The following CDKL3 variants were observed in gnomAD, a reference collection of about 807,000 sequenced individuals.
CDKL3 encodes cyclin dependent kinase like 3, also known as cyclin-dependent kinase-like 3.
Under a neutral mutation model 69.3 loss-of-function variants are expected in CDKL3, and 65 were observed. The ratio of observed to expected loss-of-function variants is 0.94; its 90% CI spans 0.77 to 1.15. CDKL3 has a LOEUF of 1.15. CDKL3 is among the 50% of genes most tolerant of loss of function. CDKL3 has a pLI of 0.00. For missense variants in CDKL3, 652 were observed against 689.2 expected (o/e 0.95, Z 0.61); for synonymous variants, 202 against 221.6 (o/e 0.91, Z 0.79).
Position 134,308,471 on chromosome 5 carries a change from A to G in CDKL3, c.1036-5T>C. The G allele has an allele frequency of 6.3e-7, 1 of 1,589,206 alleles. No individual in the cohort carries two copies. The highest frequency in any genetic ancestry group is 8.5e-7 in the Non-Finnish European group (1 of 1,170,258). On this transcript the variant is annotated splice_region_variant and splice_polypyrimidine_tract_variant and intron_variant, in intron 8 of 12. Transcript: ENST00000265334. ...CTTTTTCTCTTTTTCTATTTCCTGG[A>G]ATAGATACATCCAAAATCTGAGTCA...
chr5:134,323,270 C>A (rs1773268323), intron 4 of CDKL3, among the ~76,000 whole-genome samples: 1 of 152,102 alleles, frequency 6.6e-6, no homozygotes, highest in Admixed American at 6.6e-5. Flanking sequence ...TTAGTCATTT[C>A]ACAACGTATA....
intron 7 of CDKL3, among the ~76,000 whole-genome samples, chr5:134,310,924 C>T (rs1255813226): frequency 6.6e-6 from 1 of 152,198 alleles, no homozygotes; most frequent in Non-Finnish European, 1.5e-5. Flanking sequence ...CTGGACTCTT[C>T]CATATCTGAC....
At chr5:134,337,962 C>T (rs1034165386) in intron 4 of CDKL3, among the ~76,000 whole-genome samples, 3 of 151,976 alleles carry the variant, frequency 2.0e-5, no homozygotes, top group Non-Finnish European at 4.4e-5. Context: ...ATAGTTTTTT[C>T]ATAATATGCA....
chr5:134,311,455 G>A lies in CDKL3; in HGVS notation c.881+837C>T, dbSNP rs1453725171. Among the ~76,000 whole-genome samples, 7 of 151,900 alleles carry A rather than the reference G, an allele frequency of 4.6e-5. 1 individual carries two copies. The highest frequency in any genetic ancestry group is 8.8e-5 in the Non-Finnish European group (6 of 67,992). On this transcript the variant is annotated intron_variant, in intron 7 of 12. Transcript: ENST00000265334. ...GGGAGATGGAGGTTTGTAGTCAGCCGAGATTGTGCCACTGCATTCCAGCCT... is the reference window on the plus strand; with the variant it reads ...GGGAGATGGAGGTTTGTAGTCAGCCAAGATTGTGCCACTGCATTCCAGCCT...
upstream of CDKL3, chr5:134,371,463 T>C: frequency 8.5e-7 from 1 of 1,174,544 alleles, no homozygotes. Flanking sequence ...TGCAGGGTTG[T>C]TTGTCAGTCT....
chr5:134,290,324 C>T (rs1194624243), intron 8 of CDKL3, among the ~76,000 whole-genome samples: 1 of 117,788 alleles, frequency 8.5e-6, no homozygotes, highest in East Asian at 2.6e-4. Context: ...CACTGTACTA[C>T]AGACTGGTGA....
chr5:134,307,239 T>C (rs561425367), intron 9 of CDKL3, among the ~76,000 whole-genome samples: 20 of 151,908 alleles, frequency 1.3e-4, no homozygotes, highest in Admixed American at 4.6e-4. Context: ...TGTTGTGGGG[T>C]TACTCCTGCT....
At chr5:134,293,205 G>A (rs527309432) in intron 8 of CDKL3, among the ~76,000 whole-genome samples, 1 of 151,116 alleles carries the variant, frequency 6.6e-6, no homozygotes, top group South Asian at 2.1e-4. Flanking sequence ...TTTTTAGTAG[G>A]CACGGGGTTT....
intron 12 of CDKL3, among the ~76,000 whole-genome samples, chr5:134,301,655 G>A (rs529979961): frequency 2.1e-3 from 323 of 152,240 alleles, no homozygotes; most frequent in African/African-American, 7.3e-3. Context: ...GCCCAGGCGG[G>A]TGGATCACGA....
At chr5:134,288,102 C>G (rs1164976215) in intron 8 of CDKL3, among the ~76,000 whole-genome samples, 7 of 152,194 alleles carry the variant, frequency 4.6e-5, no homozygotes, top group African/African-American at 1.7e-4. Flanking sequence ...CCATGTTGGT[C>G]AGGGTGGTCT....
At chr5:134,370,535 A>T (rs773174759), upstream of CDKL3, among the ~76,000 whole-genome samples, 6 of 152,270 alleles carry the variant, frequency 3.9e-5, no homozygotes, top group South Asian at 1.2e-3. Flanking sequence ...CTGCACCCCC[A>T]CATTCCTTAA....
chr5:134,298,328 T>C, downstream of CDKL3: 1 of 1,051,548 alleles, frequency 9.5e-7, no homozygotes. Flanking sequence ...CGAAGTTATG[T>C]GGCTACAAGA....
upstream of CDKL3, chr5:134,371,185 T>G (rs367568607): frequency 5.8e-5 from 16 of 275,878 alleles, no homozygotes; most frequent in East Asian, 1.7e-3. Flanking sequence ...GATGCGTCCC[T>G]CTTTCTCCAC....
At chr5:134,300,732 C>T (rs926122200) in intron 12 of CDKL3, among the ~76,000 whole-genome samples, 1 of 152,074 alleles carries the variant, frequency 6.6e-6, no homozygotes, top group African/African-American at 2.4e-5. Flanking sequence ...CTAAAAATCA[C>T]AGAAGGGTCT....
intron 4 of CDKL3, among the ~76,000 whole-genome samples, chr5:134,333,358 T>C (rs1213298354): frequency 6.6e-6 from 1 of 152,256 alleles, no homozygotes; most frequent in Non-Finnish European, 1.5e-5. Flanking sequence ...CTGTGCTGAA[T>C]AGGAGTGGTG....
At chr5:134,326,866 T>TATACAC (rs1561563782) in intron 4 of CDKL3, among the ~76,000 whole-genome samples, 5 of 98,262 alleles carry the variant, frequency 5.1e-5, no homozygotes, top group South Asian at 3.0e-4. Context: ...TATATATATA[T>TATACAC]ACACACACAC....
chr5:134,318,032 C>T (rs1486350081), intron 6 of CDKL3, among the ~76,000 whole-genome samples: 3 of 151,978 alleles, frequency 2.0e-5, no homozygotes, highest in Admixed American at 2.0e-4. Context: ...CCAGCCTGAC[C>T]GACATGGAGA....
rs763000942 is a variant in CDKL3, at chr5:134,308,319, A to T, written c.1183T>A (p.Ser395Thr). The T allele has an allele frequency of 2.0e-5, 33 of 1,613,830 alleles. No homozygotes were observed. Among genetic ancestry groups the T allele is most frequent in the African/African-American group, 1.9e-4 (14 of 74,922 alleles). The change falls in exon 9 of 13, where the codon TCT becomes ACT. Residue 395 changes from serine (S) to threonine (T), a missense_variant. Coordinates refer to ENST00000265334, the MANE Select transcript of CDKL3 (RefSeq NM_001113575.2). Reference protein sequence around the residue: ...QDANENVHPMSPDTKLVTIEP... With the variant: ...QDANENVHPMTPDTKLVTIEP... ...ATGGTTACAAGTTTTGTATCTGGAG[A>T]CATAGGATGAACATTTTCATTTGCA... is the stretch of plus-strand genomic sequence containing the variant.
Position 134,367,146 on chromosome 5 carries a change from A to C in CDKL3, c.-191T>G. On this transcript the variant is annotated 5_prime_UTR_variant, in exon 1 of 13. Transcript: ENST00000265334. Reference sequence around the variant, plus strand: ...AGGAACCGGCCACTTGCCACCATGGAAACGCCGGCGGAGTTGCTGCGTTCT... The same window carrying C: ...AGGAACCGGCCACTTGCCACCATGGCAACGCCGGCGGAGTTGCTGCGTTCT... 1.0e-6 allele frequency: 1 copy of C among 985,664 alleles called. No homozygotes were observed. The highest frequency in any genetic ancestry group is 1.2e-6 in the Non-Finnish European group (1 of 830,142). 61.1% of individuals were successfully genotyped at this position (985,664 alleles called of 1,614,324 possible). A position where few individuals can be genotyped will look rare whatever the true frequency, so the allele number is the denominator to read the frequency against.
Sources: allele counts gnomAD v4.1 joint callset (sites outside exome capture counted in the v4.1 genomes callset), GRCh38; gene constraint gnomAD v4.1.1; transcripts MANE v1.5; gene names NCBI Gene and HGNC (gene_info 2026-07-23, HGNC 2026-07-21).